Variants in DBH observed in about 807,000 individuals in gnomAD.
DBH encodes the protein dopamine beta-hydroxylase.
Under a neutral mutation model 64.0 loss-of-function variants are expected in DBH, and 49 were observed. That is an observed-to-expected ratio of 0.77 (90% CI 0.61 to 0.97). DBH has a LOEUF of 0.97. Ranked by LOEUF, DBH falls within the 50% of genes least tolerant of loss-of-function variation. The pLI is 0.00. For missense variants in DBH, 828 were observed against 826.6 expected, an observed-to-expected ratio of 1.00 and a Z score of -0.02; for synonymous variants, 343 against 347.1, an observed-to-expected ratio of 0.99 and a Z score of 0.13.
chr9:133,653,838 A>G (rs946121409), intron 9 of DBH, among the ~76,000 whole-genome samples: 8 of 152,218 alleles, frequency 5.3e-5, no homozygotes, highest in Non-Finnish European at 1.0e-4. Context: ...GTTCACAATT[A>G]CCTGGGTCCC....
intron 9 of DBH, chr9:133,656,285 TCA>T (rs1832316952): frequency 1.9e-6 from 1 of 530,180 alleles, no homozygotes; most frequent in African/African-American, 1.9e-5. Context: ...TCATTTTTCC[TCA>T]CAGCATCATC....
rs926074523 is a variant in DBH, at chr9:133,643,692, G to T, written c.921+103G>T. On this transcript the variant is annotated intron_variant, in intron 4 of 11. Coordinates refer to ENST00000393056, the MANE Select transcript of DBH (RefSeq NM_000787.4). This position sits in a 1 kb window ranked among gnomAD's most constrained non-coding sequence, Gnocchi z 5.3. Reference sequence around the variant, plus strand: ...ACCGTCTCAGAGGCTTCAAGAAGGGGCTCCCAAGGGGGCTCACGAGGCCAC... The same window carrying T: ...ACCGTCTCAGAGGCTTCAAGAAGGGTCTCCCAAGGGGGCTCACGAGGCCAC... 2.2e-6 allele frequency: 3 copies of T among 1,387,302 alleles called. No homozygotes were observed. The highest frequency in any genetic ancestry group is 2.0e-5 in the Admixed American group (1 of 51,078). The allele number at this position is 1,387,302 out of a possible 1,614,324, so 85.9% of individuals were successfully genotyped here. A position where few individuals can be genotyped will look rare whatever the true frequency, so the allele number is the denominator to read the frequency against.
At chr9:133,639,382 C>T (rs1053929881) in intron 1 of DBH, among the ~76,000 whole-genome samples, 17 of 152,126 alleles carry the variant, frequency 1.1e-4, no homozygotes, top group Non-Finnish European at 7.4e-5. Context: ...TGTTCATGTC[C>T]CACCCTGTTC....
chr9:133,637,429 G>A (rs1022098617), intron 1 of DBH, among the ~76,000 whole-genome samples: 1 of 152,260 alleles, frequency 6.6e-6, no homozygotes, highest in African/African-American at 2.4e-5. Context: ...CGAGCCCACC[G>A]CCTACAATGG....
chr9:133,650,441 CCTT>C (rs1362416409), intron 6 of DBH, among the ~76,000 whole-genome samples: 3 of 149,370 alleles, frequency 2.0e-5, no homozygotes, highest in East Asian at 3.9e-4. Context: ...TTCCTTCTTT[CCTT>C]CTTTTCTTTC....
intron 5 of DBH, among the ~76,000 whole-genome samples, chr9:133,645,781 T>C (rs979836839): frequency 6.6e-6 from 1 of 152,168 alleles, no homozygotes; most frequent in Non-Finnish European, 1.5e-5. Flanking sequence ...GGTTTGAACC[T>C]CAGCTTGGCC....
Position 133,642,198 on chromosome 9 carries a change from CGGCTGCAGG to C in DBH, c.487-8_487del. The C allele has an allele frequency of 6.2e-7, 1 of 1,612,578 alleles. No homozygotes were observed. The highest frequency in any genetic ancestry group is 8.5e-7 in the Non-Finnish European group (1 of 1,179,970). On this transcript the variant is annotated splice_acceptor_variant and splice_polypyrimidine_tract_variant and coding_sequence_variant and intron_variant, in exon 3 of 12. Transcript: ENST00000393056. LOFTEE classifies it high-confidence loss of function. The stretch of plus-strand genomic sequence containing the variant: ...GAGGGCGACCAGCTGAACCCTGTCT[CGGCTGCAGG>C]ACGGCACTGTCCACTTGGTCTACGG...
chr9:133,637,695 G>T (rs1043601087), intron 1 of DBH, among the ~76,000 whole-genome samples: 3 of 152,230 alleles, frequency 2.0e-5, no homozygotes, highest in Non-Finnish European at 4.4e-5. Flanking sequence ...GCCTTTTTGG[G>T]TGTTGTGAAT....
At chr9:133,646,284 G>A (rs7870239) in intron 5 of DBH, among the ~76,000 whole-genome samples, 3,256 of 151,898 alleles carry the variant, frequency 0.021, 116 homozygotes, top group African/African-American at 0.074. Context: ...CATAACCCAG[G>A]GGGCAGAGCC....
chr9:133,642,780 A>G (rs1037358322), intron 3 of DBH, among the ~76,000 whole-genome samples: 2 of 152,154 alleles, frequency 1.3e-5, no homozygotes, highest in Admixed American at 6.5e-5. Context: ...CTCCCCCTTC[A>G]TGAAAAAGCA....
chr9:133,647,304 G>A (rs1216550439), intron 5 of DBH, among the ~76,000 whole-genome samples: 1 of 152,180 alleles, frequency 6.6e-6, no homozygotes, highest in Non-Finnish European at 1.5e-5. Context: ...CAGCTTTGAC[G>A]CAGGGCCAGG....
rs1023564977 is a variant in DBH at position 133,644,068 on chromosome 9, G to A, written c.922-150G>A. On this transcript the variant is annotated intron_variant, in intron 4 of 11. Transcript: ENST00000393056. Reference sequence around the variant, plus strand: ...ATGTTCCTGGGGCGTGTAATGAGCTGCCTGTCAGGAGGAAGCATCGCTCTA... The same window carrying A: ...ATGTTCCTGGGGCGTGTAATGAGCTACCTGTCAGGAGGAAGCATCGCTCTA... The A allele has an allele frequency of 5.5e-6, 4 of 726,186 alleles. No homozygotes were observed. In the African/African-American group the frequency reaches 6.9e-5, roughly 13 times the overall value. 45.0% of individuals were successfully genotyped at this position (726,186 alleles called of 1,614,324 possible).
At position 133,651,620 on chromosome 9, in the gene DBH, C is replaced by A. The variant is rs1393279282; in HGVS notation, c.1192-14C>A. The A allele has an allele frequency of 6.8e-6, 11 of 1,613,144 alleles. No homozygotes were observed. The East Asian group carries it at 2.2e-4, about 33-fold the overall frequency. ...GGGGTCAGGCCCTGACACTGCAGCC[C>A]CCCGACCCCACAGGCACTGCCTCCC... On this transcript the variant is annotated splice_polypyrimidine_tract_variant and intron_variant, in intron 6 of 11. Coordinates refer to ENST00000393056, the MANE Select transcript of DBH (RefSeq NM_000787.4).
At chr9:133,656,899 C>T (rs937163426) in intron 10 of DBH, among the ~76,000 whole-genome samples, 171 bp from the exon 11 acceptor site, 15 of 152,172 alleles carry the variant, frequency 9.9e-5, no homozygotes, top group Non-Finnish European at 1.9e-4. Flanking sequence ...AGGCCGTTGC[C>T]GGTGAAGGCA....
Position 133,651,741 on chromosome 9 carries a change from C to A in DBH, c.1299C>A (p.Ile433=). The A allele has an allele frequency of 6.2e-7, 1 of 1,613,320 alleles. No homozygotes were observed. Among genetic ancestry groups the A allele is most frequent in the Middle Eastern group, 1.7e-4 (1 of 5,986 alleles). ...VLVRDGREWE[I]VNQDNHYSPH... ...TCCGGGACGGCCGGGAGTGGGAGAT[C>A]GTGAACCAGGACAATCACTACAGCC... Residue 433 remains isoleucine, a synonymous_variant, in exon 7 of 12, where the codon ATC becomes ATA. Coordinates refer to ENST00000393056, the MANE Select transcript of DBH (RefSeq NM_000787.4).
chr9:133,644,422 C>A, intron 5 of DBH, 102 bp downstream of exon 5: 1 of 913,100 alleles, frequency 1.1e-6, no homozygotes, highest in Non-Finnish European at 1.8e-6. Flanking sequence ...GGTGCCCCCG[C>A]TGTACAGCTC....
At chr9:133,646,521 T>C (rs563656259) in intron 5 of DBH, among the ~76,000 whole-genome samples, 6 of 152,308 alleles carry the variant, frequency 3.9e-5, no homozygotes, top group South Asian at 2.1e-4. Flanking sequence ...CCAGCATCCC[T>C]GAACCTCTGT....
chr9:133,657,433 G>A (rs866115497), intron 11 of DBH: 1 of 467,544 alleles, frequency 2.1e-6, no homozygotes, highest in Non-Finnish European at 3.8e-6. Flanking sequence ...AGGAGAGAGA[G>A]GAGAGAGAGG....
intron 6 of DBH, among the ~76,000 whole-genome samples, chr9:133,650,729 G>A (rs1031278828): frequency 1.3e-5 from 2 of 151,608 alleles, no homozygotes; most frequent in Non-Finnish European, 2.9e-5. Flanking sequence ...TGTATTTTTA[G>A]TAGAGGCGGG....
Sources: gnomAD v4.1 joint callset for allele counts (sites outside exome capture counted in the v4.1 genomes callset) on GRCh38, gnomAD v4.1.1 for gene constraint, Gnocchi (gnomAD v3.1) non-coding constraint, MANE v1.5 for transcripts, NCBI Gene and HGNC (gene_info 2026-07-23, HGNC 2026-07-21) for gene names.